The following ZNF469 variants were observed in gnomAD, a reference collection of about 807,000 sequenced individuals.
The protein encoded by ZNF469 is zinc finger protein 469.
In ZNF469, 1 loss-of-function variant was observed where a neutral mutation model predicts 1.0. The ratio of observed to expected loss-of-function variants is 1.00; its 90% confidence interval spans 0.35 to 4.73. The LOEUF is 4.73. Among genes scored for constraint, ZNF469 ranks in the 30% most tolerant of loss-of-function variants. ZNF469 has a pLI of 0.16. For missense variants in ZNF469, 6,100 were observed against 5,356.3 expected (o/e 1.14, Z -4.33); for synonymous variants, 2,703 against 2,363.4 (o/e 1.14, Z -4.17).
intron 1 of ZNF469, among the ~76,000 whole-genome samples, chr16:88,405,391 T>C (rs1300587351): frequency 6.6e-6 from 1 of 152,192 alleles, no homozygotes; most frequent in Non-Finnish European, 1.5e-5. Flanking sequence ...AGTGGCCACA[T>C]GGGCCCGTGG....
At chr16:88,353,168 T>C in the ZNF469 span, among the ~76,000 whole-genome samples, 1 of 152,158 alleles carries the variant, frequency 6.6e-6, no homozygotes, top group Non-Finnish European at 1.5e-5. Context: ...CTGCGGACAG[T>C]GCACCTCCGA....
the ZNF469 span, among the ~76,000 whole-genome samples, chr16:88,325,344 A>G: frequency 2.0e-5 from 3 of 152,190 alleles, no homozygotes; most frequent in South Asian, 4.1e-4. Flanking sequence ...CAGACTGCAC[A>G]ATTGGTGGCC....
At chr16:88,418,996 C>T (rs569280742) in intron 1 of ZNF469, among the ~76,000 whole-genome samples, 10 of 152,188 alleles carry the variant, frequency 6.6e-5, no homozygotes, top group African/African-American at 2.2e-4. Context: ...TGAGCCTGGC[C>T]GCCTGCCCAA....
At chr16:88,129,754 G>A in the ZNF469 span, among the ~76,000 whole-genome samples, 1 of 152,234 alleles carries the variant, frequency 6.6e-6, no homozygotes, top group South Asian at 2.1e-4. Context: ...CAGCTACTCA[G>A]GAGGGCTGCG....
upstream of ZNF469, among the ~76,000 whole-genome samples, chr16:88,382,502 G>T (rs779443362): frequency 2.0e-5 from 3 of 152,226 alleles, no homozygotes; most frequent in Non-Finnish European, 4.4e-5. Flanking sequence ...GAGAAAGCGT[G>T]CCATGGGGAC....
chr16:88,229,967 G>C, the ZNF469 span, among the ~76,000 whole-genome samples: 3 of 152,162 alleles, frequency 2.0e-5, no homozygotes, highest in Admixed American at 2.0e-4. Flanking sequence ...CTCTGGTTGG[G>C]TCTGGGATCC....
the ZNF469 span, among the ~76,000 whole-genome samples, chr16:88,362,844 A>G: frequency 2.6e-5 from 4 of 152,208 alleles, no homozygotes; most frequent in African/African-American, 4.8e-5. Flanking sequence ...CTCCAATTAC[A>G]CACATAGCAG....
the ZNF469 span, among the ~76,000 whole-genome samples, chr16:88,314,687 G>T: frequency 6.6e-6 from 1 of 151,408 alleles, no homozygotes; most frequent in Middle Eastern, 3.4e-3. Flanking sequence ...TTACGATGAT[G>T]CTGGTGTGGA....
intron 1 of ZNF469, among the ~76,000 whole-genome samples, chr16:88,387,334 G>C (rs1294523756): frequency 1.3e-5 from 2 of 152,170 alleles, no homozygotes; most frequent in Non-Finnish European, 2.9e-5. Context: ...TCCCCCCTTG[G>C]TCTGGGTTCA....
chr16:88,183,741 T>C, the ZNF469 span, among the ~76,000 whole-genome samples: 1 of 152,202 alleles, frequency 6.6e-6, no homozygotes, highest in East Asian at 1.9e-4. Flanking sequence ...CTTATGTGTG[T>C]ACGTGATACC....
chr16:88,176,484 G>A, the ZNF469 span, among the ~76,000 whole-genome samples: 1 of 152,066 alleles, frequency 6.6e-6, no homozygotes, highest in South Asian at 2.1e-4. Context: ...GCTTGGCCAG[G>A]CCATGCCTCC....
the ZNF469 span, among the ~76,000 whole-genome samples, chr16:88,187,495 A>T: frequency 6.6e-6 from 1 of 152,238 alleles, no homozygotes; most frequent in Non-Finnish European, 1.5e-5. Flanking sequence ...CGCCAATTAC[A>T]GTAGGACAGG....
chr16:88,401,593 AGATG>A (rs1904863334), intron 1 of ZNF469, among the ~76,000 whole-genome samples: 1 of 109,388 alleles, frequency 9.1e-6, no homozygotes, highest in African/African-American at 3.5e-5. Context: ...ATGAATAGGT[AGATG>A]GATGGATAGT....
At chr16:88,229,483 G>A in the ZNF469 span, among the ~76,000 whole-genome samples, 236 of 152,274 alleles carry the variant, frequency 1.5e-3, no homozygotes, top group East Asian at 5.2e-3. Flanking sequence ...CATTACGTGC[G>A]GTGCTTGTGC....
the ZNF469 span, among the ~76,000 whole-genome samples, chr16:88,117,817 G>A: frequency 6.6e-6 from 1 of 152,236 alleles, no homozygotes; most frequent in Non-Finnish European, 1.5e-5. Flanking sequence ...TGACTGTGAG[G>A]GAAGCTGTGT....
the ZNF469 span, among the ~76,000 whole-genome samples, chr16:88,327,230 T>C: frequency 6.6e-6 from 1 of 152,154 alleles, no homozygotes; most frequent in African/African-American, 2.4e-5. Flanking sequence ...CTGGGGCTTC[T>C]CACACCAGCC....
intron 1 of ZNF469, among the ~76,000 whole-genome samples, chr16:88,397,757 T>C (rs1009308945): frequency 2.6e-5 from 4 of 152,140 alleles, no homozygotes. Flanking sequence ...TCTCTTCTTA[T>C]GGTCATTCGA....
the ZNF469 span, among the ~76,000 whole-genome samples, chr16:88,110,351 C>G: frequency 1.4e-4 from 21 of 152,264 alleles, no homozygotes; most frequent in African/African-American, 4.8e-4. Context: ...TTGGAGAATT[C>G]TGCTCCCGCT....
At chr16:88,118,020 G>A in the ZNF469 span, among the ~76,000 whole-genome samples, 24 of 152,206 alleles carry the variant, frequency 1.6e-4, no homozygotes, top group Non-Finnish European at 2.9e-4. Flanking sequence ...TCATCTCACC[G>A]CAACCTCCGC....
Sources: allele counts gnomAD v4.1 joint callset (sites outside exome capture counted in the v4.1 genomes callset), GRCh38; gene constraint gnomAD v4.1.1; transcripts MANE v1.5; gene names NCBI Gene and HGNC (gene_info 2026-07-23, HGNC 2026-07-21).